The following FSTL4 variants were observed in gnomAD, a reference collection of about 807,000 sequenced individuals.
The protein encoded by FSTL4 is follistatin like 4.
In FSTL4, 28 loss-of-function variants were observed where a neutral mutation model predicts 78.2. That is an observed-to-expected ratio of 0.36 (90% confidence interval 0.27 to 0.49). The LOEUF (loss-of-function observed/expected upper bound fraction) is 0.49. Among genes scored for constraint, FSTL4 ranks in the 20% least tolerant of loss-of-function variants. The pLI is 0.98. For missense variants in FSTL4, 922 were observed against 1,084.9 expected (o/e 0.85, Z 2.11); for synonymous variants, 422 against 440.5 (o/e 0.96, Z 0.53).
At chr5:133,798,981 G>GAA in the FSTL4 span, among the ~76,000 whole-genome samples, 1 of 134,486 alleles carries the variant, frequency 7.4e-6, no homozygotes, top group African/African-American at 2.9e-5. Context: ...AGGGAGGGAG[G>GAA]GAGGGAGGAA....
At chr5:133,738,037 C>T in the FSTL4 span, among the ~76,000 whole-genome samples, 1 of 152,102 alleles carries the variant, frequency 6.6e-6, no homozygotes, top group Non-Finnish European at 1.5e-5. Flanking sequence ...TATCAGGTAG[C>T]TCTTGGGACG....
upstream of FSTL4, among the ~76,000 whole-genome samples, chr5:133,613,340 G>A (rs193140396): frequency 1.3e-5 from 2 of 152,334 alleles, no homozygotes; most frequent in African/African-American, 4.8e-5. Context: ...CCAGGCTGAT[G>A]GCCAGGAGAC....
the FSTL4 span, among the ~76,000 whole-genome samples, chr5:133,829,238 A>G: frequency 6.6e-6 from 1 of 152,090 alleles, no homozygotes; most frequent in Non-Finnish European, 1.5e-5. Context: ...AAAAATACAA[A>G]AAAATAAAAT....
chr5:133,371,729 C>T (rs1407051158), intron 4 of FSTL4, among the ~76,000 whole-genome samples: 1 of 152,200 alleles, frequency 6.6e-6, no homozygotes, highest in Non-Finnish European at 1.5e-5. Flanking sequence ...GATCACTGGG[C>T]ATTGTTTGTT....
At chr5:133,657,136 TG>T in the FSTL4 span, among the ~76,000 whole-genome samples, 1 of 152,188 alleles carries the variant, frequency 6.6e-6, no homozygotes, top group African/African-American at 2.4e-5. Context: ...TACAGGAGTC[TG>T]GGGTTCAAAA....
the FSTL4 span, among the ~76,000 whole-genome samples, chr5:133,810,349 T>C: frequency 6.6e-6 from 1 of 152,196 alleles, no homozygotes; most frequent in Non-Finnish European, 1.5e-5. Context: ...CTACAGGATT[T>C]GCATTTCGAA....
At chr5:133,577,880 T>C (rs1274099992) in intron 2 of FSTL4, among the ~76,000 whole-genome samples, 7 of 152,110 alleles carry the variant, frequency 4.6e-5, no homozygotes, top group African/African-American at 7.2e-5. Flanking sequence ...ACCTGGGTGA[T>C]AGCGTAAGAC....
chr5:133,397,920 C>T (rs914594323), intron 4 of FSTL4, among the ~76,000 whole-genome samples: 3 of 152,168 alleles, frequency 2.0e-5, no homozygotes, highest in Non-Finnish European at 2.9e-5. Flanking sequence ...GTATTAATAA[C>T]TCCCTGGAAA....
chr5:133,298,678 C>A (rs997662152), intron 6 of FSTL4, among the ~76,000 whole-genome samples: 1 of 152,232 alleles, frequency 6.6e-6, no homozygotes, highest in African/African-American at 2.4e-5. Flanking sequence ...CATCTGAGAG[C>A]AGGAAACTCA....
At chr5:133,299,857 A>G (rs1411218753) in intron 6 of FSTL4, among the ~76,000 whole-genome samples, 1 of 152,154 alleles carries the variant, frequency 6.6e-6, no homozygotes, top group Non-Finnish European at 1.5e-5. Context: ...ACTGCATGGA[A>G]TACAATTAGT....
chr5:133,544,813 A>G (rs1759542474), intron 3 of FSTL4, among the ~76,000 whole-genome samples: 1 of 152,202 alleles, frequency 6.6e-6, no homozygotes, highest in Admixed American at 6.5e-5. Flanking sequence ...CAGCAGCAAG[A>G]TTTCAGGGGC....
chr5:133,655,701 T>C, the FSTL4 span, among the ~76,000 whole-genome samples: 1 of 152,048 alleles, frequency 6.6e-6, no homozygotes, highest in Non-Finnish European at 1.5e-5. Context: ...AGTAATATTT[T>C]CAGTGGGAAA....
intron 3 of FSTL4, among the ~76,000 whole-genome samples, chr5:133,540,799 G>A (rs384612): frequency 0.42 from 63,457 of 149,968 alleles, 13,938 homozygotes; most frequent in African/African-American, 0.54. Context: ...CTGTCTGATA[G>A]CCTCTTTAGT....
the FSTL4 span, among the ~76,000 whole-genome samples, chr5:133,669,003 T>G: frequency 1.2e-4 from 19 of 152,324 alleles, no homozygotes; most frequent in African/African-American, 4.3e-4. Context: ...TATTAAAAAT[T>G]CATTCCCATT....
intron 3 of FSTL4, among the ~76,000 whole-genome samples, chr5:133,543,878 G>T (rs1051151446): frequency 6.6e-6 from 1 of 150,876 alleles, no homozygotes; most frequent in Non-Finnish European, 1.5e-5. Context: ...TAGATTTTTT[G>T]AATATTTTTC....
chr5:133,836,526 A>G, the FSTL4 span, among the ~76,000 whole-genome samples: 2 of 152,184 alleles, frequency 1.3e-5, no homozygotes, highest in African/African-American at 4.8e-5. Flanking sequence ...TTACCCATAC[A>G]TATATGCACA....
intron 6 of FSTL4, among the ~76,000 whole-genome samples, chr5:133,257,806 TG>T (rs563449071): frequency 6.6e-6 from 1 of 152,178 alleles, no homozygotes; most frequent in Non-Finnish European, 1.5e-5. Context: ...GGCCACTCTA[TG>T]GGTCTCTCCC....
chr5:133,267,740 C>T (rs1015785512), intron 6 of FSTL4, among the ~76,000 whole-genome samples: 1 of 152,106 alleles, frequency 6.6e-6, no homozygotes, highest in African/African-American at 2.4e-5. Flanking sequence ...GCAGAAGAGA[C>T]TGCTAGATAG....
At chr5:133,204,846 A>AAT (rs1750442917) in intron 14 of FSTL4, among the ~76,000 whole-genome samples, 1 of 151,800 alleles carries the variant, frequency 6.6e-6, no homozygotes, top group Admixed American at 6.6e-5. Context: ...AAAAAAAAAA[A>AAT]AAAAAATCTT....
Sources: gnomAD v4.1 joint callset for allele counts (sites outside exome capture counted in the v4.1 genomes callset) on GRCh38, gnomAD v4.1.1 for gene constraint, MANE v1.5 for transcripts, NCBI Gene and HGNC (gene_info 2026-07-23, HGNC 2026-07-21) for gene names.